WWOX: variants seen among roughly 807,000 people sequenced by gnomAD.
WWOX encodes the protein WW domain containing oxidoreductase, also known as WW domain-containing oxidoreductase.
Under a neutral mutation model 46.2 loss-of-function variants are expected in WWOX, and 69 were observed. That is an observed-to-expected ratio of 1.49 (90% CI 1.23 to 1.82). WWOX has a LOEUF of 1.82. Among genes scored for constraint, WWOX ranks in the 40% most tolerant of loss-of-function variants. The probability of loss-of-function intolerance (pLI) is 0.00; values close to 1 mark genes in which losing one functional copy is unlikely to be tolerated. For synonymous variants in WWOX, 359 were observed against 202.6 expected (o/e 1.77, Z -6.56); for missense variants, 919 against 542.6 (o/e 1.69, Z -6.89).
intron 6 of WWOX, among the ~76,000 whole-genome samples, chr16:78,406,113 G>A (rs1279997072): frequency 1.3e-5 from 2 of 151,506 alleles, no homozygotes; most frequent in African/African-American, 4.8e-5. Flanking sequence ...TTCGTATTGT[G>A]TATCTTGCAG....
At chr16:78,648,736 C>G (rs754483160) in intron 8 of WWOX, among the ~76,000 whole-genome samples, 12 of 152,296 alleles carry the variant, frequency 7.9e-5, no homozygotes, top group Admixed American at 3.3e-4. Flanking sequence ...CATCCACTTT[C>G]TTTTTTGTTT....
At chr16:78,197,789 C>A (rs922614944) in intron 5 of WWOX, among the ~76,000 whole-genome samples, 1 of 152,120 alleles carries the variant, frequency 6.6e-6, no homozygotes, top group Non-Finnish European at 1.5e-5. Context: ...GACATACTGA[C>A]AAGGAGAGGA....
chr16:78,465,938 A>G (rs564224874), intron 8 of WWOX, among the ~76,000 whole-genome samples: 1 of 152,336 alleles, frequency 6.6e-6, no homozygotes, highest in African/African-American at 2.4e-5. Flanking sequence ...AGAGTAGGCA[A>G]ATTCATAAAG....
chr16:78,606,718 GTTTTTTT>G lies in WWOX; in HGVS notation c.1056+173984_1056+173990del, dbSNP rs59612285. 1.4e-4 allele frequency among the ~76,000 whole-genome samples: 17 copies of G among 121,066 alleles called. No individual in the cohort carries two copies. The East Asian group carries it at 1.6e-3, about 12-fold the overall frequency. The allele number at this position is 121,066 out of a possible 152,430, so 79.4% of individuals were successfully genotyped here. ...GAAAGGGCATTTCCCCAGAATTGCA[GTTTTTTT>G]TTTTTTTTTTTTTTTTTAAATAGGG... On this transcript the variant is annotated intron_variant, in intron 8 of 8. Coordinates refer to ENST00000566780, the MANE Select transcript of WWOX (RefSeq NM_016373.4).
At chr16:78,519,036 C>A (rs865976179) in intron 8 of WWOX, among the ~76,000 whole-genome samples, 3 of 152,178 alleles carry the variant, frequency 2.0e-5, no homozygotes, top group African/African-American at 7.2e-5. Context: ...TTTTGTTTAG[C>A]TGTTTTTCTA....
chr16:78,761,364 T>G (rs78512507), intron 8 of WWOX, among the ~76,000 whole-genome samples: 2,046 of 152,274 alleles, frequency 0.013, 43 homozygotes, highest in African/African-American at 0.047. Context: ...TGATGAGTTT[T>G]CAGGGAGAAC....
At chr16:78,562,425 A>G (rs1353650368) in intron 8 of WWOX, among the ~76,000 whole-genome samples, 1 of 152,168 alleles carries the variant, frequency 6.6e-6, no homozygotes, top group African/African-American at 2.4e-5. Flanking sequence ...ATCTGTTCCC[A>G]CATCCCCTGA....
chr16:78,797,857 G>A (rs1377294092), intron 8 of WWOX, among the ~76,000 whole-genome samples: 2 of 152,180 alleles, frequency 1.3e-5, no homozygotes, highest in East Asian at 1.9e-4. Flanking sequence ...GCGTGGTGGC[G>A]CGTGCCTGTA....
chr16:78,413,652 C>T (rs140725699), intron 6 of WWOX, among the ~76,000 whole-genome samples: 183 of 151,666 alleles, frequency 1.2e-3, no homozygotes, highest in Admixed American at 3.0e-3. Flanking sequence ...TGGATGCATA[C>T]GAGCAGGTCA....
At chr16:78,233,838 T>C (rs962295018) in intron 5 of WWOX, among the ~76,000 whole-genome samples, 4 of 152,088 alleles carry the variant, frequency 2.6e-5, no homozygotes, top group Non-Finnish European at 1.5e-5. Context: ...GATGATTCAG[T>C]TTTTACCCCA....
rs577043215 is a variant in WWOX at position 78,852,674 on chromosome 16, T to G, written c.1057-358934T>G. Among the ~76,000 whole-genome samples the G allele has an allele frequency of 3.1e-4, 47 of 152,310 alleles. No homozygotes were observed. The East Asian group carries it at 4.6e-3, about 15-fold the overall frequency. ...ATTTATTAATTTTTAAGATGCTTCATTTTGGAGTAATTTGCTACACACCAA... is the reference window on the plus strand; with the variant it reads ...ATTTATTAATTTTTAAGATGCTTCAGTTTGGAGTAATTTGCTACACACCAA... On this transcript the variant is annotated intron_variant, in intron 8 of 8. Transcript: ENST00000566780.
At chr16:78,755,919 A>G (rs77552276) in intron 8 of WWOX, among the ~76,000 whole-genome samples, 2,178 of 152,268 alleles carry the variant, frequency 0.014, 40 homozygotes, top group African/African-American at 0.048. Flanking sequence ...TCAGGACGCT[A>G]TGATGAGAAG....
intron 8 of WWOX, among the ~76,000 whole-genome samples, chr16:78,686,725 T>A (rs979061344): frequency 6.6e-6 from 1 of 152,154 alleles, no homozygotes. Context: ...CCAGTAGGCA[T>A]TTATGTTTAT....
At chr16:78,756,135 G>C (rs559582006) in intron 8 of WWOX, among the ~76,000 whole-genome samples, 4 of 152,112 alleles carry the variant, frequency 2.6e-5, no homozygotes, top group African/African-American at 4.8e-5. Flanking sequence ...TATAAAACAC[G>C]AACGGGGATC....
intron 8 of WWOX, among the ~76,000 whole-genome samples, chr16:79,036,263 TG>T (rs1423499749): frequency 6.6e-5 from 10 of 152,376 alleles, no homozygotes; most frequent in African/African-American, 2.2e-4. Context: ...GCCTACTTTT[TG>T]CCCTGACTCC....
intron 5 of WWOX, among the ~76,000 whole-genome samples, chr16:78,199,702 G>A (rs947238938): frequency 2.0e-5 from 3 of 152,144 alleles, no homozygotes; most frequent in Admixed American, 6.5e-5. Flanking sequence ...AGACGTCTGT[G>A]TCACATATAC....
intron 8 of WWOX, among the ~76,000 whole-genome samples, chr16:78,454,128 G>T (rs1386016224): frequency 6.6e-6 from 1 of 152,108 alleles, no homozygotes; most frequent in Non-Finnish European, 1.5e-5. Context: ...AGAGTTTCTC[G>T]TTTCTTGAGG....
intron 8 of WWOX, among the ~76,000 whole-genome samples, chr16:78,871,209 A>G (rs1483186639): frequency 1.3e-5 from 2 of 151,906 alleles, no homozygotes; most frequent in African/African-American, 4.8e-5. Flanking sequence ...ATCAGGGGTA[A>G]AAACCCCCGC....
intron 8 of WWOX, among the ~76,000 whole-genome samples, chr16:78,959,714 A>G (rs559231252): frequency 2.6e-5 from 4 of 152,314 alleles, no homozygotes; most frequent in African/African-American, 9.6e-5. Context: ...TGCAACTACC[A>G]CATCAAAAGG....
Sources: allele counts gnomAD v4.1 joint callset (sites outside exome capture counted in the v4.1 genomes callset), GRCh38; gene constraint gnomAD v4.1.1; transcripts MANE v1.5; gene names NCBI Gene and HGNC (gene_info 2026-07-23, HGNC 2026-07-21).